PON2: variants seen among roughly 807,000 people sequenced by gnomAD.
PON2 encodes the protein serum paraoxonase/arylesterase 2.
Under a neutral mutation model 36.6 loss-of-function variants are expected in PON2, and 27 were observed. The ratio of observed to expected loss-of-function variants is 0.74; its 90% CI spans 0.54 to 1.02. PON2 has a LOEUF of 1.02. Ranked by LOEUF, PON2 falls within the 50% of genes least tolerant of loss-of-function variation. PON2 has a pLI of 0.00. For synonymous variants in PON2, 149 were observed against 156.3 expected, an observed-to-expected ratio of 0.95 and a Z score of 0.35; for missense variants, 363 against 421.1, an observed-to-expected ratio of 0.86 and a Z score of 1.21.
Position 95,416,304 on chromosome 7 carries a change from G to A in PON2, c.146-7C>T, listed in dbSNP as rs1365287564. 3 of 1,613,518 alleles carry A rather than the reference G, an allele frequency of 1.9e-6. No homozygotes were observed. In the South Asian group the frequency reaches 3.3e-5, roughly 18 times the overall value. ...ATATCTTCAGAGCCAGCTTCTGTAA[G>A]TTTAAGGAACAGATAAATGTCATGT... On this transcript the variant is annotated splice_region_variant and splice_polypyrimidine_tract_variant and intron_variant, in intron 2 of 8. Coordinates refer to ENST00000222572, the MANE Select transcript of PON2 (RefSeq NM_000305.3).
intron 4 of PON2, 133 bp downstream of exon 4, chr7:95,412,179 G>C: frequency 8.1e-7 from 1 of 1,238,864 alleles, no homozygotes. Flanking sequence ...CAAGTTCTTT[G>C]TAATGAAGAA....
intron 3 of PON2, 145 bp downstream of exon 3, chr7:95,416,097 A>G: frequency 7.0e-7 from 1 of 1,423,938 alleles, no homozygotes; most frequent in Non-Finnish European, 9.5e-7. Context: ...AGCTGGAGGA[A>G]GTTTTCCAAG....
In PON2 at chr7:95,434,989, G is replaced by T. The variant is rs1317583564; in HGVS notation, c.-38C>A. 1 of 1,506,430 alleles carries T rather than the reference G, an allele frequency of 6.6e-7. No individual in the cohort carries two copies. The highest frequency in any genetic ancestry group is 2.1e-5 in the Admixed American group (1 of 48,300). The allele number at this position is 1,506,430 out of a possible 1,614,324, so 93.3% of individuals were successfully genotyped here. On this transcript the variant is annotated 5_prime_UTR_variant, in exon 1 of 9. Coordinates refer to ENST00000222572, the MANE Select transcript of PON2 (RefSeq NM_000305.3). ...GGGCGCGCTGCCTCGCTCCGGCCTG[G>T]CCAGCAGCTCCGTGGGCGGTGCCAT... is the stretch of plus-strand genomic sequence containing the variant.
intron 4 of PON2, 107 bp downstream of exon 4, chr7:95,412,205 T>G (rs1788942928): frequency 7.1e-7 from 1 of 1,411,256 alleles, no homozygotes; most frequent in Non-Finnish European, 9.9e-7. Context: ...AAATCACTCA[T>G]GAGTTAATTG....
intron 1 of PON2, among the ~76,000 whole-genome samples, chr7:95,434,623 C>T (rs974229227): frequency 4.6e-5 from 7 of 152,242 alleles, no homozygotes; most frequent in Non-Finnish European, 7.3e-5. Context: ...ACTTTGTTAG[C>T]AGCAAGGGCT....
intron 3 of PON2, 109 bp from the exon 4 acceptor site, chr7:95,412,586 A>T: frequency 8.6e-7 from 1 of 1,156,154 alleles, no homozygotes; most frequent in Non-Finnish European, 1.3e-6. Context: ...AAGTAGTGGC[A>T]TAAAGCCACA....
At chr7:95,422,470 C>CA (rs1180060575) in intron 2 of PON2, among the ~76,000 whole-genome samples, 2 of 152,112 alleles carry the variant, frequency 1.3e-5, no homozygotes, top group East Asian at 3.9e-4. Flanking sequence ...GAACTTTGCA[C>CA]AAAAAATACT....
chr7:95,424,234 C>T, intron 2 of PON2: 1 of 453,760 alleles, frequency 2.2e-6, no homozygotes. Flanking sequence ...ACAAACAATA[C>T]AGACGCAACA....
chr7:95,414,020 TTAAG>T (rs1191791047), intron 3 of PON2, among the ~76,000 whole-genome samples: 4 of 152,230 alleles, frequency 2.6e-5, no homozygotes, highest in African/African-American at 4.8e-5. Context: ...CCTTATTTAT[TTAAG>T]TATTTTTTCT....
chr7:95,414,480 C>T (rs1000859028), intron 3 of PON2, among the ~76,000 whole-genome samples: 3 of 152,134 alleles, frequency 2.0e-5, no homozygotes, highest in Non-Finnish European at 4.4e-5. Flanking sequence ...TAACATGCCC[C>T]CAAGCTAAAA....
chr7:95,410,268 G>A (rs181064370), intron 5 of PON2, among the ~76,000 whole-genome samples, 167 bp from the exon 6 acceptor site: 2 of 152,148 alleles, frequency 1.3e-5, no homozygotes, highest in African/African-American at 4.8e-5. Flanking sequence ...CTATAATATT[G>A]TTGCCAGAGA....
chr7:95,425,876 TATA>T (rs1789304311), intron 1 of PON2, among the ~76,000 whole-genome samples: 2 of 152,096 alleles, frequency 1.3e-5, no homozygotes, highest in African/African-American at 4.8e-5. Flanking sequence ...AATATTTAAA[TATA>T]ATAAAAAATA....
At chr7:95,430,621 G>A (rs1312761184) in intron 1 of PON2, among the ~76,000 whole-genome samples, 1 of 151,868 alleles carries the variant, frequency 6.6e-6, no homozygotes, top group Middle Eastern at 3.2e-3. Context: ...TTAGCCAGGT[G>A]TAGTGGTGCA....
chr7:95,417,727 C>CACACACACACACACACACACACACACT (rs1562788872), intron 2 of PON2, among the ~76,000 whole-genome samples: 22 of 80,212 alleles, frequency 2.7e-4, no homozygotes, highest in African/African-American at 1.2e-3. Flanking sequence ...ACACACACAC[C>CACACACACACACACACACACACACACT]GAGAGAGAAT....
At chr7:95,411,977 A>C (rs1788939589) in intron 4 of PON2, among the ~76,000 whole-genome samples, 198 bp from the exon 5 acceptor site, 1 of 152,168 alleles carries the variant, frequency 6.6e-6, no homozygotes, top group Non-Finnish European at 1.5e-5. Context: ...CCTTTAAGAA[A>C]GTGTTTCCTA....
chr7:95,421,738 A>G (rs889920123), intron 2 of PON2, among the ~76,000 whole-genome samples: 5 of 152,214 alleles, frequency 3.3e-5, no homozygotes, highest in Admixed American at 6.5e-5. Flanking sequence ...AATGAAAAAA[A>G]GGAGAAAGAA....
intron 7 of PON2, 149 bp from the exon 8 acceptor site, chr7:95,406,396 A>G: frequency 2.3e-6 from 2 of 852,426 alleles, no homozygotes; most frequent in East Asian, 5.5e-5. Flanking sequence ...AAAGGAATGT[A>G]TTAAAAACTG....
In PON2 at chr7:95,406,099, A is replaced by G. The variant is rs1325355856; in HGVS notation, c.906+20T>C. ...AAAGGACTTGAATAATTAAGTTTAA[A>G]AAACTGAAAATATAAAAACCTCTGA... is the stretch of plus-strand genomic sequence containing the variant. On this transcript the variant is annotated intron_variant, in intron 8 of 8. Transcript: ENST00000222572. 2.5e-6 allele frequency: 4 copies of G among 1,610,628 alleles called. No homozygotes were observed. The African/African-American group carries it at 5.3e-5, about 22-fold the overall frequency.
chr7:95,424,157 T>G, intron 2 of PON2: 1 of 318,040 alleles, frequency 3.1e-6, no homozygotes. Flanking sequence ...TGTCACTGCC[T>G]ACATAAAGCT....
Sources: gnomAD v4.1 joint callset for allele counts (sites outside exome capture counted in the v4.1 genomes callset) on GRCh38, gnomAD v4.1.1 for gene constraint, MANE v1.5 for transcripts, NCBI Gene and HGNC (gene_info 2026-07-23, HGNC 2026-07-21) for gene names.